NDOR1: variants seen among roughly 807,000 people sequenced by gnomAD.
The protein encoded by NDOR1 is NADPH dependent diflavin oxidoreductase 1, also known as NADPH-dependent diflavin oxidoreductase 1.
NDOR1 carries 61 observed loss-of-function variants against 67.2 expected under a neutral mutation model. The observed-to-expected ratio is 0.91, with a 90% confidence interval of 0.74 to 1.12. The LOEUF (loss-of-function observed/expected upper bound fraction) is 1.12. Among genes scored for constraint, NDOR1 ranks in the 50% most tolerant of loss-of-function variants. The pLI, the probability that NDOR1 is intolerant of heterozygous loss-of-function variation, is 0.00. For missense variants in NDOR1, 878 were observed against 802.8 expected (o/e 1.09, Z -1.13); for synonymous variants, 378 against 343.7 (o/e 1.10, Z -1.10).
At chr9:137,213,432 C>T (rs1047578619) in intron 3 of NDOR1, among the ~76,000 whole-genome samples, 6 of 152,318 alleles carry the variant, frequency 3.9e-5, no homozygotes, top group African/African-American at 1.4e-4. Flanking sequence ...GAGTGACCCA[C>T]ATCTTGGCTG....
chr9:137,213,747 TCCAGCCCAGGA>T (rs757039272), intron 3 of NDOR1, 22 bp from the exon 4 acceptor site: 17 of 1,603,354 alleles, frequency 1.1e-5, no homozygotes, highest in Non-Finnish European at 1.4e-5. Flanking sequence ...CCGCCCGGGC[TCCAGCCCAGGA>T]CCAGCCTCAC....
Position 137,205,825 on chromosome 9 carries a change from G to C in NDOR1, c.48G>C (p.Thr16=), listed in dbSNP as rs374723341. The change falls in exon 1 of 14, where the codon ACG becomes ACC. Residue 16 remains threonine (T), a synonymous_variant. Coordinates refer to ENST00000684003, the MANE Select transcript of NDOR1 (RefSeq NM_014434.4). ...LLVLFGSQTG[T]AQDVSERLGR... Reference sequence around the variant, plus strand: ...TGCTCTTCGGCAGCCAGACAGGCACGGCTCAGGATGTGTCGGAGAGACTGG... The same window carrying C: ...TGCTCTTCGGCAGCCAGACAGGCACCGCTCAGGATGTGTCGGAGAGACTGG... The C allele has an allele frequency of 3.9e-5, 63 of 1,605,574 alleles. 1 individual carries two copies. The African/African-American group carries it at 6.0e-4, about 15-fold the overall frequency.
intron 2 of NDOR1, among the ~76,000 whole-genome samples, chr9:137,211,592 A>G (rs1353725286): frequency 6.6e-6 from 1 of 152,010 alleles, no homozygotes; most frequent in African/African-American, 2.4e-5. Context: ...GGATTCAGGA[A>G]GCAAGGGTGT....
In NDOR1 at chr9:137,217,131, GGC is replaced by G. The variant is rs1420038321; in HGVS notation, c.*717_*718del. 5 of 187,484 alleles carry G rather than the reference GGC, an allele frequency of 2.7e-5. No individual in the cohort carries two copies. Among genetic ancestry groups the G allele is most frequent in the African/African-American group, 1.2e-4 (5 of 41,158 alleles). The allele number at this position is 187,484 out of a possible 1,614,324, so 11.6% of individuals were successfully genotyped here. A position where few individuals can be genotyped will look rare whatever the true frequency, so the allele number is the denominator to read the frequency against. ...CTGGGTGCTGGGTGCTGGATGGGTGGGCGTCCTCTAGCTCCTCCCGGTGCCCT... is the reference window on the plus strand; with the variant it reads ...CTGGGTGCTGGGTGCTGGATGGGTGGGTCCTCTAGCTCCTCCCGGTGCCCT... On this transcript the variant is annotated 3_prime_UTR_variant, in exon 14 of 14. Transcript: ENST00000684003.
At position 137,214,340 on chromosome 9, in the gene NDOR1, C is replaced by T; in HGVS notation, c.649C>T (p.Gln217Ter). The change falls in exon 6 of 14, where the codon CAG becomes TAG. Residue 217 changes from glutamine (Q) to a stop codon, truncating the protein, a stop_gained. Transcript: ENST00000684003. LOFTEE classifies it high-confidence loss of function. ...KPFLAPMISN[Q>*]RVTGPSHFQD... ...CTTCCTAGCACCCATGATCTCCAAC[C>T]AGAGAGTCACCGGCCCCTCCCACTT... The T allele has an allele frequency of 6.2e-7, 1 of 1,614,162 alleles. No homozygotes were observed. Among genetic ancestry groups the T allele is most frequent in the Non-Finnish European group, 8.5e-7 (1 of 1,180,038 alleles).
At position 137,215,454 on chromosome 9, in the gene NDOR1, G is replaced by C. The variant is rs762664126; in HGVS notation, c.1221G>C (p.Gln407His). The C allele has an allele frequency of 6.2e-7, 1 of 1,613,264 alleles. No homozygotes were observed. The highest frequency in any genetic ancestry group is 8.5e-7 in the Non-Finnish European group (1 of 1,179,928). Residue 407 changes from glutamine to histidine, a missense_variant, in exon 10 of 14, where the codon CAG becomes CAC. Gln to His is a conservative substitution (Grantham distance 24, BLOSUM62 0). Coordinates refer to ENST00000684003, the MANE Select transcript of NDOR1 (RefSeq NM_014434.4). ...LQILVAVVQF[Q>H]TRLKEPRRGL... ...TCCTCGTGGCTGTAGTGCAGTTCCA[G>C]ACTCGCCTCAAGGAGCCCCGCCGGG... is the stretch of plus-strand genomic sequence containing the variant.
intron 2 of NDOR1, among the ~76,000 whole-genome samples, chr9:137,211,095 C>T (rs1286420000): frequency 1.3e-5 from 2 of 152,134 alleles, no homozygotes; most frequent in Admixed American, 6.5e-5. Flanking sequence ...GAGCTGAGGT[C>T]GCACCATTGC....
At chr9:137,216,210 A>G in intron 13 of NDOR1, 22 bp downstream of exon 13, 2 of 1,613,202 alleles carry the variant, frequency 1.2e-6, no homozygotes, top group South Asian at 1.1e-5. Flanking sequence ...TGCGTGCAGC[A>G]GGAGTGGGCC....
rs377513867 is a variant in NDOR1 at position 137,213,573 on chromosome 9, G to A, written c.312-207G>A. Among the ~76,000 whole-genome samples the A allele has an allele frequency of 1.6e-3, 237 of 151,896 alleles. 2 individuals carry two copies. Among genetic ancestry groups the A allele is most frequent in the African/African-American group, 5.1e-3 (211 of 41,540 alleles). On this transcript the variant is annotated intron_variant, in intron 3 of 13. Transcript: ENST00000684003. The stretch of plus-strand genomic sequence containing the variant: ...AGAGGACCTGCTGCTTGGCACCCTG[G>A]CAGCTGCCCTGGTCTCGGCAGCCCC...
rs1472481692 is a variant in NDOR1, at chr9:137,214,917, C to T, written c.964C>T (p.Leu322Phe). Reference protein sequence around the residue: ...SFFELLACLSLHELEREKLLE... With the variant: ...SFFELLACLSFHELEREKLLE... ...CTTCGAACTCCTGGCCTGTCTATCC[C>T]TCCATGAGCTGGAGCGGGAGAAGCT... is the stretch of plus-strand genomic sequence containing the variant. The change falls in exon 8 of 14, where the codon CTC becomes TTC. Residue 322 changes from leucine (L) to phenylalanine (F), a missense_variant. Transcript: ENST00000684003. 3 of 1,613,052 alleles carry T rather than the reference C, an allele frequency of 1.9e-6. No individual in the cohort carries two copies. The Admixed American group carries it at 5.0e-5, about 27-fold the overall frequency.
chr9:137,215,878 G>T, intron 11 of NDOR1, 21 bp from the exon 12 acceptor site: 1 of 1,612,916 alleles, frequency 6.2e-7, no homozygotes, highest in Non-Finnish European at 8.5e-7. Context: ...CTGTGGCCAA[G>T]AGCACCCTGT....
At position 137,214,409 on chromosome 9, in the gene NDOR1, A is replaced by G. The variant is rs1835423786; in HGVS notation, c.718A>G (p.Ile240Val). ...TGAGTTTGACATCTTGGGCTCTGGCATCAGGTGGGGACTGCTGGGGACCGA... is the reference window on the plus strand; with the variant it reads ...TGAGTTTGACATCTTGGGCTCTGGCGTCAGGTGGGGACTGCTGGGGACCGA... The part of the protein sequence containing the change: ...LIEFDILGSG[I>V]SFAAGDVVLI... Residue 240 changes from isoleucine (I) to valine (V), a missense_variant, in exon 6 of 14, where the codon ATC becomes GTC. Transcript: ENST00000684003. 6.2e-7 allele frequency: 1 copy of G among 1,613,966 alleles called. No homozygotes were observed. The highest frequency in any genetic ancestry group is 1.3e-5 in the African/African-American group (1 of 74,912).
intron 2 of NDOR1, among the ~76,000 whole-genome samples, chr9:137,209,391 G>T (rs1835137216): frequency 6.6e-6 from 1 of 152,202 alleles, no homozygotes; most frequent in Non-Finnish European, 1.5e-5. Context: ...CAGAGCATGG[G>T]AGAGGAGAGG....
rs923384425 is a variant in NDOR1 at position 137,217,236 on chromosome 9, C to T, written c.*820C>T. Among the ~76,000 whole-genome samples, 2 of 152,160 alleles carry T rather than the reference C, an allele frequency of 1.3e-5. No homozygotes were observed. Among genetic ancestry groups the T allele is most frequent in the Non-Finnish European group, 2.9e-5 (2 of 68,030 alleles). ...CTGTGCCCGAGTGGCCTCTGCAGCT[C>T]TTATGTCTGCCTCTAATGGGATGTG... On this transcript the variant is annotated 3_prime_UTR_variant, in exon 14 of 14. Transcript: ENST00000684003.
chr9:137,209,013 T>C (rs1048063893), intron 2 of NDOR1, among the ~76,000 whole-genome samples: 1 of 152,090 alleles, frequency 6.6e-6, no homozygotes, highest in African/African-American at 2.4e-5. Context: ...CCCAAGTAGA[T>C]GGGACTACAG....
chr9:137,217,294 G>A lies in NDOR1; in HGVS notation c.*878G>A, dbSNP rs1444146765. On this transcript the variant is annotated 3_prime_UTR_variant, in exon 14 of 14. Coordinates refer to ENST00000684003, the MANE Select transcript of NDOR1 (RefSeq NM_014434.4). ...ACTGCCTCGTTCTTAAGGGCATAGT[G>A]GGTCGGCTAAGATCTGATCGCCAGG... 6.6e-6 allele frequency among the ~76,000 whole-genome samples: 1 copy of A among 152,202 alleles called. No individual in the cohort carries two copies. The highest frequency in any genetic ancestry group is 1.5e-5 in the Non-Finnish European group (1 of 68,038).
rs143166308 is a variant in NDOR1 at position 137,211,297 on chromosome 9, C to T, written c.214-1205C>T. Reference sequence around the variant, plus strand: ...TCCAGGAAAGTAATGATGTCTAGAGCGGGGTCTGCGGCCAGAGAGCCCCAT... The same window carrying T: ...TCCAGGAAAGTAATGATGTCTAGAGTGGGGTCTGCGGCCAGAGAGCCCCAT... On this transcript the variant is annotated intron_variant, in intron 2 of 13. Transcript: ENST00000684003. Among the ~76,000 whole-genome samples, 383 of 152,324 alleles carry T rather than the reference C, an allele frequency of 2.5e-3. 3 individuals are homozygous for T. Among genetic ancestry groups the T allele is most frequent in the African/African-American group, 8.4e-3 (350 of 41,564 alleles).
rs368620084 is a variant in NDOR1, at chr9:137,212,620, T to G, written c.311+21T>G. 8.6e-5 allele frequency: 137 copies of G among 1,599,270 alleles called. 1 individual carries two copies. In the Middle Eastern group the frequency reaches 1.5e-3, roughly 17 times the overall value. On this transcript the variant is annotated intron_variant, in intron 3 of 13. Transcript: ENST00000684003. The surrounding 1 kb of genome is among the most constrained non-coding windows in gnomAD (Gnocchi z 4.3). ...GCCAAGTGAGTAGGGGATGGGACAG[T>G]GGGCGGACGGAACAGTTCTGGGGGT...
rs1435263340 is a variant in NDOR1, at chr9:137,218,285, G to A, written c.*1869G>A. ...GCTACAGGAGGAGCTGCTACAGGCCGACGGGCCCTCACGCCAGCCCCGCCG... is the reference window on the plus strand; with the variant it reads ...GCTACAGGAGGAGCTGCTACAGGCCAACGGGCCCTCACGCCAGCCCCGCCG... On this transcript the variant is annotated 3_prime_UTR_variant, in exon 14 of 14. Transcript: ENST00000684003. 5 of 398,174 alleles carry A rather than the reference G, an allele frequency of 1.3e-5. No individual in the cohort carries two copies. The highest frequency in any genetic ancestry group is 2.2e-5 in the Non-Finnish European group (5 of 225,822). 24.7% of individuals were successfully genotyped at this position (398,174 alleles called of 1,614,324 possible). A position where few individuals can be genotyped will look rare whatever the true frequency, so the allele number is the denominator to read the frequency against.
Sources: allele counts gnomAD v4.1 joint callset (sites outside exome capture counted in the v4.1 genomes callset), GRCh38; gene constraint gnomAD v4.1.1; non-coding constraint Gnocchi (gnomAD v3.1); transcripts MANE v1.5; gene names NCBI Gene and HGNC (gene_info 2026-07-23, HGNC 2026-07-21).